The following CNBD1 variants were observed in gnomAD, a reference collection of about 807,000 sequenced individuals.
CNBD1 encodes cyclic nucleotide binding domain containing 1, also known as cyclic nucleotide-binding domain-containing protein 1.
CNBD1 carries 71 observed loss-of-function variants against 54.4 expected under a neutral mutation model. That is an observed-to-expected ratio of 1.30 (90% confidence interval 1.08 to 1.59). The LOEUF (loss-of-function observed/expected upper bound fraction) is 1.59, where lower values mean the gene tolerates loss of function less well. Among genes scored for constraint, CNBD1 ranks in the 40% most tolerant of loss-of-function variants. The probability of loss-of-function intolerance (pLI) is 0.00; values close to 1 mark genes in which losing one functional copy is unlikely to be tolerated. For synonymous variants in CNBD1, 182 were observed against 170.7 expected (o/e 1.07, Z -0.51); for missense variants, 659 against 518.0 (o/e 1.27, Z -2.64).
At chr8:87,379,611 A>G (rs1424206312) in intron 10 of CNBD1, among the ~76,000 whole-genome samples, 1 of 152,000 alleles carries the variant, frequency 6.6e-6, no homozygotes. Context: ...TTGATGAAGA[A>G]ATAAAAGGGA....
chr8:87,154,411 G>C (rs1233926431), intron 4 of CNBD1, among the ~76,000 whole-genome samples: 2 of 152,178 alleles, frequency 1.3e-5, no homozygotes, highest in Non-Finnish European at 2.9e-5. Flanking sequence ...AGTTGAGGCA[G>C]TAGTACCGAC....
intron 8 of CNBD1, among the ~76,000 whole-genome samples, chr8:87,295,583 C>T (rs1808863067): frequency 6.6e-6 from 1 of 152,062 alleles, no homozygotes; most frequent in African/African-American, 2.4e-5. Flanking sequence ...AGCTTTTCAT[C>T]AGTAACCCAG....
intron 4 of CNBD1, among the ~76,000 whole-genome samples, chr8:87,066,395 C>A (rs1210299627): frequency 6.6e-6 from 1 of 152,062 alleles, no homozygotes; most frequent in East Asian, 1.9e-4. Context: ...GACATCCTCT[C>A]CTCTACATGA....
intron 8 of CNBD1, among the ~76,000 whole-genome samples, chr8:87,302,239 A>G (rs1365912836): frequency 2.0e-5 from 3 of 152,348 alleles, no homozygotes; most frequent in Non-Finnish European, 2.9e-5. Flanking sequence ...AAAATCCTCA[A>G]TAAAATACTG....
chr8:86,987,683 C>G (rs1397219720), intron 4 of CNBD1, among the ~76,000 whole-genome samples: 1 of 152,136 alleles, frequency 6.6e-6, no homozygotes, highest in Non-Finnish European at 1.5e-5. Context: ...GCCTTCAATT[C>G]CTCGTCTGTT....
At chr8:87,197,738 C>T (rs996689129) in intron 4 of CNBD1, among the ~76,000 whole-genome samples, 2 of 152,158 alleles carry the variant, frequency 1.3e-5, no homozygotes, top group Admixed American at 6.6e-5. Context: ...ATGTAAATTA[C>T]AAGCCCATTC....
chr8:87,020,036 G>A (rs966199043), intron 4 of CNBD1, among the ~76,000 whole-genome samples: 11 of 151,974 alleles, frequency 7.2e-5, no homozygotes, highest in African/African-American at 2.4e-4. Flanking sequence ...GTTTTTTCTG[G>A]CTCATTAGTT....
intron 8 of CNBD1, among the ~76,000 whole-genome samples, chr8:87,303,094 T>A (rs926826074): frequency 8.5e-5 from 13 of 152,056 alleles, no homozygotes; most frequent in Non-Finnish European, 1.9e-4. Flanking sequence ...GCTATCCCCA[T>A]CAAGCTACCA....
chr8:86,905,834 A>G (rs1299666520), intron 3 of CNBD1, among the ~76,000 whole-genome samples: 1 of 152,174 alleles, frequency 6.6e-6, no homozygotes, highest in East Asian at 1.9e-4. Context: ...TCAGTGCAGT[A>G]CCAGATCTAG....
intron 2 of CNBD1, among the ~76,000 whole-genome samples, chr8:87,396,559 A>T (rs991433628): frequency 1.3e-4 from 20 of 151,854 alleles, no homozygotes; most frequent in African/African-American, 4.8e-4. Flanking sequence ...TTGTATTTAA[A>T]TATCATTTTA....
chr8:87,368,623 C>T (rs958139089), intron 10 of CNBD1, among the ~76,000 whole-genome samples: 1 of 151,660 alleles, frequency 6.6e-6, no homozygotes, highest in Non-Finnish European at 1.5e-5. Context: ...GGTGACAGAA[C>T]AAAAACCTAT....
At chr8:86,949,843 A>G (rs1807559688) in intron 4 of CNBD1, among the ~76,000 whole-genome samples, 1 of 150,980 alleles carries the variant, frequency 6.6e-6, no homozygotes, top group Non-Finnish European at 1.5e-5. Flanking sequence ...ATGTACCAGC[A>G]TGGGTCTGTC....
intron 8 of CNBD1, among the ~76,000 whole-genome samples, chr8:87,333,096 TTAGA>T (rs1410319391): frequency 6.6e-6 from 1 of 152,190 alleles, no homozygotes; most frequent in Admixed American, 6.5e-5. Flanking sequence ...ATGTCCCTTG[TTAGA>T]TGTATCTCTA....
intron 4 of CNBD1, among the ~76,000 whole-genome samples, chr8:86,993,735 T>A (rs1006231062): frequency 1.3e-5 from 2 of 152,152 alleles, no homozygotes; most frequent in African/African-American, 4.8e-5. Context: ...ATATTTTTGG[T>A]GTTGCAGCTT....
intron 4 of CNBD1, among the ~76,000 whole-genome samples, chr8:87,149,611 G>T (rs1435821110): frequency 6.6e-6 from 1 of 152,114 alleles, no homozygotes; most frequent in African/African-American, 2.4e-5. Flanking sequence ...CAGGTATCTT[G>T]ACTCTCTTGA....
intron 8 of CNBD1, among the ~76,000 whole-genome samples, chr8:87,320,598 G>T (rs2130898866): frequency 6.9e-6 from 1 of 143,888 alleles, no homozygotes; most frequent in East Asian, 2.1e-4. Flanking sequence ...AAGAAAGTGT[G>T]TGTATGTGCA....
chr8:87,268,124 T>C (rs1285006158), intron 6 of CNBD1, among the ~76,000 whole-genome samples: 1 of 151,992 alleles, frequency 6.6e-6, no homozygotes, highest in East Asian at 1.9e-4. Flanking sequence ...ACTCAAGCAG[T>C]CCCCAGGGTC....
chr8:87,369,725 C>CTTT (rs528374656), intron 10 of CNBD1, among the ~76,000 whole-genome samples: 6 of 149,898 alleles, frequency 4.0e-5, no homozygotes, highest in African/African-American at 1.5e-4. Flanking sequence ...GTGCTGCTTT[C>CTTT]TTTTTTTTTT....
chr8:87,386,440 C>T (rs1238475038), downstream of CNBD1, among the ~76,000 whole-genome samples: 4 of 152,090 alleles, frequency 2.6e-5, no homozygotes, highest in Non-Finnish European at 5.9e-5. Flanking sequence ...GAGCTGAAAA[C>T]CGTGGCACGA....
Sources: allele counts gnomAD v4.1 joint callset (sites outside exome capture counted in the v4.1 genomes callset), GRCh38; gene constraint gnomAD v4.1.1; transcripts MANE v1.5; gene names NCBI Gene and HGNC (gene_info 2026-07-23, HGNC 2026-07-21).